Variants in NDUFB9 observed in about 807,000 individuals in gnomAD.
NDUFB9 encodes the protein NADH:ubiquinone oxidoreductase subunit B9, also known as NADH dehydrogenase [ubiquinone] 1 beta subcomplex subunit 9.
Under a neutral mutation model 30.2 loss-of-function variants are expected in NDUFB9, and 24 were observed. The ratio of observed to expected loss-of-function variants is 0.80; its 90% CI spans 0.58 to 1.12. NDUFB9 has a LOEUF of 1.12. Among genes scored for constraint, NDUFB9 ranks in the 50% most tolerant of loss-of-function variants. The pLI, the probability that NDUFB9 is intolerant of heterozygous loss-of-function variation, is 0.00. For missense variants in NDUFB9, 204 were observed against 226.0 expected, an observed-to-expected ratio of 0.90 and a Z score of 0.62; for synonymous variants, 80 against 84.0, an observed-to-expected ratio of 0.95 and a Z score of 0.26.
rs376288483 is a variant in NDUFB9, at chr8:124,547,118, G to A, written c.408+5G>A. On this transcript the variant is annotated splice_donor_5th_base_variant and intron_variant, in intron 3 of 3. Transcript: ENST00000276689. Reference sequence around the variant, plus strand: ...AGGGAAAGCTGGGAACGAGAGGTGCGTTCTACTTGTACTTCGTTATTCCTT... The same window carrying A: ...AGGGAAAGCTGGGAACGAGAGGTGCATTCTACTTGTACTTCGTTATTCCTT... 13 of 1,600,974 alleles carry A rather than the reference G, an allele frequency of 8.1e-6. No homozygotes were observed. Among genetic ancestry groups the A allele is most frequent in the Admixed American group, 3.3e-5 (2 of 59,988 alleles).
intron 3 of NDUFB9, chr8:124,547,410 A>C (rs1822189410): frequency 1.7e-6 from 1 of 598,080 alleles, no homozygotes; most frequent in African/African-American, 2.0e-5. Flanking sequence ...CTGCCTCTCC[A>C]CTATTTTCTT....
intron 1 of NDUFB9, among the ~76,000 whole-genome samples, chr8:124,540,513 G>C (rs999944429): frequency 6.6e-6 from 1 of 151,982 alleles, no homozygotes; most frequent in Non-Finnish European, 1.5e-5. Flanking sequence ...ACATTATATG[G>C]ATGTATTAAA....
At chr8:124,539,459 A>G (rs1160026903) in intron 1 of NDUFB9, 172 bp downstream of exon 1, 6 of 645,486 alleles carry the variant, frequency 9.3e-6, no homozygotes, top group African/African-American at 9.1e-5. Context: ...TTCGCCACTT[A>G]TGGCCGGGAG....
At chr8:124,547,528 C>A (rs1284009412) in intron 3 of NDUFB9, 1 of 455,130 alleles carries the variant, frequency 2.2e-6, no homozygotes, top group East Asian at 4.0e-5. Context: ...CAGAGAGACC[C>A]TTCTAGGATT....
At chr8:124,548,069 T>C (rs1822209117) in intron 3 of NDUFB9, among the ~76,000 whole-genome samples, 1 of 152,034 alleles carries the variant, frequency 6.6e-6, no homozygotes, top group African/African-American at 2.4e-5. Flanking sequence ...ATAGGGAAGA[T>C]TGGGGAAGGG....
intron 2 of NDUFB9, 79 bp from the exon 3 acceptor site, chr8:124,546,920 CT>C (rs1822174510): frequency 3.2e-6 from 3 of 944,792 alleles, no homozygotes; most frequent in Non-Finnish European, 5.2e-6. Flanking sequence ...TGATCTTTGT[CT>C]TACATCTCCT....
chr8:124,546,942 T>C (rs1203165316), intron 2 of NDUFB9, 58 bp from the exon 3 acceptor site: 3 of 1,187,410 alleles, frequency 2.5e-6, no homozygotes, highest in Middle Eastern at 5.5e-4. Context: ...GAGCAGGCCC[T>C]GTCAGGGATA....
chr8:124,539,492 G>C (rs759911540), intron 1 of NDUFB9: 2 of 579,338 alleles, frequency 3.5e-6, no homozygotes, highest in African/African-American at 3.7e-5. Context: ...TGCTTGTCGG[G>C]TCTGGGCGTC....
chr8:124,545,804 A>G (rs961040522), intron 2 of NDUFB9, among the ~76,000 whole-genome samples: 1 of 152,024 alleles, frequency 6.6e-6, no homozygotes, highest in African/African-American at 2.4e-5. Flanking sequence ...GCTGGGACTA[A>G]AGGCAGGAGC....
At chr8:124,541,011 CA>C (rs1397270447) in intron 1 of NDUFB9, among the ~76,000 whole-genome samples, 2 of 152,078 alleles carry the variant, frequency 1.3e-5, no homozygotes, top group Non-Finnish European at 2.9e-5. Flanking sequence ...ACTAAAAATA[CA>C]AAAATTAGCC....
At chr8:124,539,547 C>T (rs767112118) in intron 1 of NDUFB9, 12 of 492,420 alleles carry the variant, frequency 2.4e-5, no homozygotes, top group Non-Finnish European at 4.0e-5. Context: ...CGCAGAGGGT[C>T]GCAGGAAAAT....
chr8:124,547,639 C>T (rs563493504), intron 3 of NDUFB9, among the ~76,000 whole-genome samples: 3 of 152,132 alleles, frequency 2.0e-5, no homozygotes, highest in South Asian at 2.1e-4. Context: ...AGGGATGTGA[C>T]GACTGACTGG....
chr8:124,548,118 G>C (rs569074792), intron 3 of NDUFB9, among the ~76,000 whole-genome samples: 2 of 152,180 alleles, frequency 1.3e-5, no homozygotes, highest in Admixed American at 6.5e-5. Flanking sequence ...ATTCATTTTG[G>C]AAGTGTGAAG....
intron 1 of NDUFB9, among the ~76,000 whole-genome samples, chr8:124,539,681 C>A (rs1821851289): frequency 6.6e-6 from 1 of 152,194 alleles, no homozygotes; most frequent in South Asian, 2.1e-4. Context: ...TTATTTTCTT[C>A]AGTCTGCAAA....
At chr8:124,542,509 G>A (rs182642787) in intron 1 of NDUFB9, among the ~76,000 whole-genome samples, 4 of 152,258 alleles carry the variant, frequency 2.6e-5, no homozygotes, top group Admixed American at 6.5e-5. Context: ...TCAGGCCCTC[G>A]TCAGCTGTGT....
intron 2 of NDUFB9, among the ~76,000 whole-genome samples, chr8:124,546,208 T>C (rs1199459757): frequency 1.3e-5 from 2 of 152,234 alleles, no homozygotes; most frequent in Admixed American, 1.3e-4. Flanking sequence ...TTCCTTTTGA[T>C]AGCATTTTAC....
chr8:124,544,973 A>C (rs997246002), intron 2 of NDUFB9, among the ~76,000 whole-genome samples: 2 of 151,988 alleles, frequency 1.3e-5, no homozygotes, highest in Admixed American at 6.6e-5. Context: ...GTTGATTCCA[A>C]CCCTTGTGGG....
intron 2 of NDUFB9, among the ~76,000 whole-genome samples, chr8:124,545,374 G>C (rs1415938981): frequency 6.6e-6 from 1 of 152,080 alleles, no homozygotes; most frequent in Non-Finnish European, 1.5e-5. Context: ...CGCAAACCTC[G>C]TTATTTTAGG....
intron 3 of NDUFB9, 50 bp from the exon 4 acceptor site, chr8:124,549,711 A>G (rs1563710443): frequency 1.3e-6 from 2 of 1,577,756 alleles, no homozygotes; most frequent in African/African-American, 1.3e-5. Flanking sequence ...ACAGATTTTT[A>G]TAGTCAATTA....
Sources: gnomAD v4.1 joint callset for allele counts (sites outside exome capture counted in the v4.1 genomes callset) on GRCh38, gnomAD v4.1.1 for gene constraint, MANE v1.5 for transcripts, NCBI Gene and HGNC (gene_info 2026-07-23, HGNC 2026-07-21) for gene names.